Variants in AKAP13 observed in about 807,000 individuals in gnomAD.
The protein encoded by AKAP13 is A-kinase anchor protein 13.
In AKAP13, 80 loss-of-function variants were observed where a neutral mutation model predicts 264.5. The ratio of observed to expected loss-of-function variants is 0.30; its 90% CI spans 0.25 to 0.36. AKAP13 has a LOEUF of 0.36. Among genes scored for constraint, AKAP13 ranks in the 10% least tolerant of loss-of-function variants. The pLI is 1.00. For synonymous variants in AKAP13, 1,380 were observed against 1,250.2 expected (o/e 1.10, Z -2.19); for missense variants, 3,712 against 3,435.2 (o/e 1.08, Z -2.01).
At chr15:85,664,250 A>G (rs2032702) in intron 12 of AKAP13, among the ~76,000 whole-genome samples, 31,038 of 152,210 alleles carry the variant, frequency 0.2, 4,200 homozygotes, top group Middle Eastern at 0.42. Flanking sequence ...AAACACATAT[A>G]TAAAATATCA....
At chr15:85,717,497 G>T (rs1726950806) in intron 21 of AKAP13, 95 bp downstream of exon 21, 1 of 836,102 alleles carries the variant, frequency 1.2e-6, no homozygotes, top group Non-Finnish European at 1.9e-6. Context: ...GACAGTACCT[G>T]CCTCTTCTGT....
intron 13 of AKAP13, among the ~76,000 whole-genome samples, chr15:85,668,771 G>C (rs572804298): frequency 1.5e-4 from 23 of 152,148 alleles, no homozygotes; most frequent in African/African-American, 5.3e-4. Context: ...GTGAAACCCT[G>C]TCTCTACCAA....
chr15:85,641,007 T>A (rs1469693323), intron 9 of AKAP13, among the ~76,000 whole-genome samples: 2 of 152,182 alleles, frequency 1.3e-5, no homozygotes, highest in Non-Finnish European at 2.9e-5. Flanking sequence ...GAATTGCAGA[T>A]CAGAATTATG....
At chr15:85,381,521 CTTTTTT>C (rs1168869870) in intron 1 of AKAP13, among the ~76,000 whole-genome samples, 11 of 64,290 alleles carry the variant, frequency 1.7e-4, no homozygotes, top group South Asian at 6.7e-4. Flanking sequence ...CGGTTTACTG[CTTTTTT>C]TTTTTTTTTT....
chr15:85,502,196 G>A (rs187269578), intron 2 of AKAP13, among the ~76,000 whole-genome samples: 13 of 152,312 alleles, frequency 8.5e-5, no homozygotes, highest in Admixed American at 8.5e-4. Context: ...GTGCTTAGGA[G>A]TCAAGTAGAC....
intron 1 of AKAP13, chr15:85,481,071 G>T (rs2075337900): frequency 6.6e-6 from 1 of 152,076 alleles, no homozygotes; most frequent in Non-Finnish European, 1.5e-5. Context: ...CTGAGGTTTT[G>T]CAGTCATTTG....
At chr15:85,684,481 G>A (rs564755499) in intron 15 of AKAP13, 11 of 282,756 alleles carry the variant, frequency 3.9e-5, no homozygotes, top group African/African-American at 8.8e-5. Flanking sequence ...GGAAGATTGC[G>A]TGAGCTCAGG....
intron 5 of AKAP13, among the ~76,000 whole-genome samples, chr15:85,574,251 G>A (rs1393934628): frequency 6.6e-6 from 1 of 152,202 alleles, no homozygotes; most frequent in African/African-American, 2.4e-5. Context: ...ATGATTGTGT[G>A]CCTCATCCCT....
At chr15:85,517,396 G>A (rs370218004) in intron 2 of AKAP13, among the ~76,000 whole-genome samples, 3 of 151,792 alleles carry the variant, frequency 2.0e-5, no homozygotes, top group East Asian at 3.9e-4. Flanking sequence ...TTAAAGGAAA[G>A]CCTCAGACCA....
At chr15:85,497,489 G>A (rs1336280627) in intron 2 of AKAP13, among the ~76,000 whole-genome samples, 2 of 152,172 alleles carry the variant, frequency 1.3e-5, no homozygotes, top group Non-Finnish European at 2.9e-5. Flanking sequence ...AGTGAGAGGA[G>A]GAAGCACAGT....
intron 1 of AKAP13, among the ~76,000 whole-genome samples, chr15:85,406,228 C>T (rs1483522351): frequency 6.6e-6 from 1 of 152,116 alleles, no homozygotes; most frequent in East Asian, 1.9e-4. Flanking sequence ...ACTGCACACC[C>T]CACGGTAGTG....
intron 2 of AKAP13, among the ~76,000 whole-genome samples, chr15:85,491,540 AAT>A (rs910480315): frequency 4.6e-4 from 54 of 116,334 alleles, no homozygotes; most frequent in African/African-American, 1.5e-3. Flanking sequence ...TTTTATATAT[AAT>A]ATATATATTT....
chr15:85,532,815 A>G (rs967843107), intron 3 of AKAP13, among the ~76,000 whole-genome samples: 11 of 152,182 alleles, frequency 7.2e-5, no homozygotes, highest in South Asian at 2.1e-4. Context: ...TCTGCCTCCA[A>G]TCATCACTCC....
chr15:85,476,902 G>T (rs1020987734), intron 1 of AKAP13, among the ~76,000 whole-genome samples: 3 of 152,114 alleles, frequency 2.0e-5, no homozygotes, highest in Non-Finnish European at 4.4e-5. Context: ...TTAATCATGT[G>T]CTGGCCATGT....
intron 1 of AKAP13, among the ~76,000 whole-genome samples, chr15:85,426,188 A>G (rs1336843480): frequency 6.6e-6 from 1 of 152,214 alleles, no homozygotes. Flanking sequence ...ATATTGGTTT[A>G]GTCATTAATA....
chr15:85,381,341 C>T (rs1240516125), intron 1 of AKAP13, among the ~76,000 whole-genome samples: 1 of 151,992 alleles, frequency 6.6e-6, no homozygotes, highest in Non-Finnish European at 1.5e-5. Context: ...GTCGGTGCCT[C>T]TCCGCGGCTT....
chr15:85,597,396 A>T lies in AKAP13; in HGVS notation c.4161+11573A>T, dbSNP rs74883805. ...GTGTCACATGGTAAGCCAGAGGCAC[A>T]CTGGAAACCTCTCCAGTGTTTCTGC... On this transcript the variant is annotated intron_variant, in intron 8 of 36. Coordinates refer to ENST00000394518, the MANE Select transcript of AKAP13 (RefSeq NM_007200.5). Among the ~76,000 whole-genome samples, 58 of 152,266 alleles carry T rather than the reference A, an allele frequency of 3.8e-4. No homozygotes were observed. The East Asian group carries it at 0.011, about 29-fold the overall frequency.
At chr15:85,507,752 A>G (rs1490153473) in intron 2 of AKAP13, among the ~76,000 whole-genome samples, 1 of 152,242 alleles carries the variant, frequency 6.6e-6, no homozygotes, top group Non-Finnish European at 1.5e-5. Flanking sequence ...TGCTTCCTTT[A>G]GAACTGACAT....
chr15:85,442,425 T>TAG (rs2073701221), intron 1 of AKAP13, among the ~76,000 whole-genome samples: 1 of 85,396 alleles, frequency 1.2e-5, no homozygotes, highest in Non-Finnish European at 2.3e-5. Context: ...AAAAAAAAAA[T>TAG]ATATATATAT....
Sources: gnomAD v4.1 joint callset for allele counts (sites outside exome capture counted in the v4.1 genomes callset) on GRCh38, gnomAD v4.1.1 for gene constraint, MANE v1.5 for transcripts, NCBI Gene and HGNC (gene_info 2026-07-23, HGNC 2026-07-21) for gene names.